The following ROR1 variants were observed in gnomAD, a reference collection of about 807,000 sequenced individuals.
ROR1 encodes the protein ROR family WNT receptor 1, also known as inactive tyrosine-protein kinase transmembrane receptor ROR1.
In ROR1, 19 loss-of-function variants were observed where a neutral mutation model predicts 78.8. That is an observed-to-expected ratio of 0.24 (90% CI 0.17 to 0.35). The LOEUF is 0.35. ROR1 is among the 10% of genes least tolerant of loss of function. ROR1 has a pLI of 1.00. For synonymous variants in ROR1, 386 were observed against 433.6 expected, an observed-to-expected ratio of 0.89 and a Z score of 1.36; for missense variants, 917 against 1,177.8, an observed-to-expected ratio of 0.78 and a Z score of 3.24.
At chr1:63,820,685 T>C (rs1280585896) in intron 1 of ROR1, among the ~76,000 whole-genome samples, 1 of 152,156 alleles carries the variant, frequency 6.6e-6, no homozygotes, top group East Asian at 1.9e-4. Context: ...GACAGTAAAA[T>C]TCAAAGGTCA....
chr1:64,142,846 G>A, intron 7 of ROR1, 196 bp downstream of exon 7: 1 of 1,411,886 alleles, frequency 7.1e-7, no homozygotes. Flanking sequence ...TTCTCAAGAA[G>A]TCAACTGCCT....
intron 2 of ROR1, among the ~76,000 whole-genome samples, chr1:64,037,175 C>T (rs545650339): frequency 2.5e-4 from 38 of 152,258 alleles, no homozygotes; most frequent in African/African-American, 7.0e-4. Context: ...AAGAAAGACA[C>T]GATCACAGAG....
intron 1 of ROR1, among the ~76,000 whole-genome samples, chr1:63,881,170 C>T (rs1311452120): frequency 6.6e-6 from 1 of 152,190 alleles, no homozygotes; most frequent in Non-Finnish European, 1.5e-5. Context: ...CTGGGCTCAT[C>T]CCAGGGGCTA....
chr1:63,841,195 G>A (rs893375010), intron 1 of ROR1, among the ~76,000 whole-genome samples: 1 of 152,144 alleles, frequency 6.6e-6, no homozygotes, highest in Non-Finnish European at 1.5e-5. Flanking sequence ...TACAAGTTTA[G>A]TAACTAAAGG....
chr1:64,062,905 G>C (rs139298058), intron 4 of ROR1, among the ~76,000 whole-genome samples: 24 of 152,268 alleles, frequency 1.6e-4, no homozygotes, highest in African/African-American at 5.3e-4. Context: ...TGTAGGGTAG[G>C]AAAGACACTC....
chr1:63,805,836 C>A (rs978467985), intron 1 of ROR1, among the ~76,000 whole-genome samples: 1 of 152,106 alleles, frequency 6.6e-6, no homozygotes, highest in Non-Finnish European at 1.5e-5. Flanking sequence ...GGCAACATAG[C>A]AAGATCCTGT....
At position 63,925,914 on chromosome 1, in the gene ROR1, G is replaced by A. The variant is rs1020565397; in HGVS notation, c.92-83391G>A. ...AGTTCATTGTAGATTCTGGATATTA[G>A]CCCTTTGTCAGATGAGTAGGTTGCG... is the stretch of plus-strand genomic sequence containing the variant. On this transcript the variant is annotated intron_variant, in intron 1 of 8. Coordinates refer to ENST00000371079, the MANE Select transcript of ROR1 (RefSeq NM_005012.4). Among the ~76,000 whole-genome samples, 168 of 150,032 alleles carry A rather than the reference G, an allele frequency of 1.1e-3. 1 individual carries two copies. The highest frequency in any genetic ancestry group is 1.5e-3 in the Non-Finnish European group (101 of 67,162).
At chr1:64,099,136 G>A (rs1349585909) in intron 4 of ROR1, among the ~76,000 whole-genome samples, 3 of 152,010 alleles carry the variant, frequency 2.0e-5, no homozygotes, top group East Asian at 3.9e-4. Flanking sequence ...ACACATTAGC[G>A]TATACTCCCA....
chr1:64,002,287 C>T (rs969490644), intron 1 of ROR1, among the ~76,000 whole-genome samples: 1 of 152,090 alleles, frequency 6.6e-6, no homozygotes, highest in African/African-American at 2.4e-5. Context: ...GCATGCACCA[C>T]CACGCCCAGC....
intron 5 of ROR1, among the ~76,000 whole-genome samples, chr1:64,139,164 CAAAAAAAAAAAAA>C (rs755368714): frequency 7.7e-4 from 16 of 20,670 alleles, no homozygotes; most frequent in African/African-American, 1.6e-3. Flanking sequence ...GAGACTGTCT[CAAAAAAAAAAAAA>C]AAAAAAAAAA....
chr1:63,824,783 A>C (rs2100290365), intron 1 of ROR1, among the ~76,000 whole-genome samples: 1 of 152,344 alleles, frequency 6.6e-6, no homozygotes, highest in Non-Finnish European at 1.5e-5. Context: ...TTATGAGCAA[A>C]GAAAAAACGC....
chr1:63,785,050 A>G (rs1387153813), intron 1 of ROR1, among the ~76,000 whole-genome samples: 2 of 152,250 alleles, frequency 1.3e-5, no homozygotes, highest in African/African-American at 4.8e-5. Flanking sequence ...AGGTAAAAAT[A>G]GAACATGCTG....
chr1:64,136,413 A>G lies in ROR1; in HGVS notation c.483-956A>G, dbSNP rs960323767. Among the ~76,000 whole-genome samples, 5 of 151,322 alleles carry G rather than the reference A, an allele frequency of 3.3e-5. No homozygotes were observed. The East Asian group carries it at 7.8e-4, about 24-fold the overall frequency. ...GGAGGAGCATCCAGGGTTGAAGTCA[A>G]CTTATACACGTGGCAGGCAGACTTT... On this transcript the variant is annotated intron_variant, in intron 4 of 8. Transcript: ENST00000371079.
chr1:63,787,524 C>CTT (rs111470579), intron 1 of ROR1, among the ~76,000 whole-genome samples: 1 of 114,954 alleles, frequency 8.7e-6, no homozygotes, highest in Non-Finnish European at 1.8e-5. Flanking sequence ...CCTTCCTTCT[C>CTT]TTTTTTTTTT....
At chr1:63,890,252 T>G (rs2100387532) in intron 1 of ROR1, among the ~76,000 whole-genome samples, 1 of 151,528 alleles carries the variant, frequency 6.6e-6, no homozygotes, top group Admixed American at 6.6e-5. Flanking sequence ...GATCTCGGAC[T>G]ATTTTATAGA....
intron 2 of ROR1, among the ~76,000 whole-genome samples, chr1:64,038,599 GA>G (rs1646721921): frequency 6.6e-6 from 1 of 152,124 alleles, no homozygotes; most frequent in African/African-American, 2.4e-5. Flanking sequence ...CTCTGGCCTG[GA>G]AAATGGGTTA....
chr1:64,024,156 G>A (rs1424226766), intron 2 of ROR1, among the ~76,000 whole-genome samples: 2 of 152,118 alleles, frequency 1.3e-5, no homozygotes, highest in South Asian at 2.1e-4. Flanking sequence ...CCAGTCTCAG[G>A]TAATTCTTTA....
At chr1:64,156,869 G>A (rs1384949623) in intron 7 of ROR1, among the ~76,000 whole-genome samples, 1 of 152,136 alleles carries the variant, frequency 6.6e-6, no homozygotes, top group Non-Finnish European at 1.5e-5. Flanking sequence ...ATTATTGGCA[G>A]TGAAGTGTAG....
chr1:64,077,828 C>A (rs1569696155), intron 4 of ROR1, among the ~76,000 whole-genome samples: 1 of 152,360 alleles, frequency 6.6e-6, no homozygotes. Flanking sequence ...GTAGAACCAG[C>A]ATGTCCTTGC....
Sources: gnomAD v4.1 joint callset for allele counts (sites outside exome capture counted in the v4.1 genomes callset) on GRCh38, gnomAD v4.1.1 for gene constraint, MANE v1.5 for transcripts, NCBI Gene and HGNC (gene_info 2026-07-23, HGNC 2026-07-21) for gene names.